The following HS3ST4 variants were observed in gnomAD, a reference collection of about 807,000 sequenced individuals.
HS3ST4 encodes the protein heparan sulfate-glucosamine 3-sulfotransferase 4.
HS3ST4 carries 17 observed loss-of-function variants against 29.2 expected under a neutral mutation model. That is an observed-to-expected ratio of 0.58 (90% CI 0.40 to 0.87). The LOEUF is 0.87. Ranked by LOEUF, HS3ST4 falls within the 40% of genes least tolerant of loss-of-function variation. The probability of loss-of-function intolerance (pLI) is 0.00; values close to 1 mark genes in which losing one functional copy is unlikely to be tolerated. For synonymous variants in HS3ST4, 314 were observed against 285.7 expected (o/e 1.10, Z -1.00); for missense variants, 627 against 634.5 (o/e 0.99, Z 0.13).
intron 1 of HS3ST4, among the ~76,000 whole-genome samples, chr16:26,017,142 G>A (rs1969370064): frequency 6.6e-6 from 1 of 152,204 alleles, no homozygotes; most frequent in Admixed American, 6.5e-5. Context: ...TGTTATCCCA[G>A]AGTAATCTAG....
chr16:25,790,581 CT>C (rs1338813039), intron 1 of HS3ST4, among the ~76,000 whole-genome samples: 1 of 152,136 alleles, frequency 6.6e-6, no homozygotes, highest in Non-Finnish European at 1.5e-5. Flanking sequence ...AATTTTTTAG[CT>C]TTTCCAGTGG....
intron 1 of HS3ST4, among the ~76,000 whole-genome samples, chr16:26,006,070 A>G (rs1969255147): frequency 6.6e-6 from 1 of 152,028 alleles, no homozygotes; most frequent in Non-Finnish European, 1.5e-5. Context: ...AGGCTGAGGT[A>G]TGTGAATCAC....
intron 1 of HS3ST4, among the ~76,000 whole-genome samples, chr16:25,709,524 C>A (rs1295126398): frequency 6.6e-6 from 1 of 152,140 alleles, no homozygotes; most frequent in African/African-American, 2.4e-5. Flanking sequence ...CGAAGTACAA[C>A]CGAATAAAAC....
intron 1 of HS3ST4, among the ~76,000 whole-genome samples, chr16:25,824,303 GC>G (rs1189519373): frequency 1.3e-5 from 2 of 152,154 alleles, no homozygotes; most frequent in African/African-American, 4.8e-5. Flanking sequence ...ATGGGACATT[GC>G]CAGCACAGCA....
At chr16:25,708,395 A>G (rs544571317) in intron 1 of HS3ST4, among the ~76,000 whole-genome samples, 1 of 152,226 alleles carries the variant, frequency 6.6e-6, no homozygotes, top group Non-Finnish European at 1.5e-5. Flanking sequence ...ACTGGAATAC[A>G]GTTGTGTATT....
intron 1 of HS3ST4, among the ~76,000 whole-genome samples, chr16:26,094,670 G>A (rs575712726): frequency 6.6e-6 from 1 of 152,190 alleles, no homozygotes; most frequent in African/African-American, 2.4e-5. Context: ...ATGCTAAATT[G>A]TAAAGACCAT....
intron 1 of HS3ST4, among the ~76,000 whole-genome samples, chr16:25,874,519 A>C (rs1480583369): frequency 6.6e-6 from 1 of 152,090 alleles, no homozygotes; most frequent in East Asian, 1.9e-4. Context: ...GACATTTAAC[A>C]GGCACTTTCC....
intron 1 of HS3ST4, among the ~76,000 whole-genome samples, chr16:26,098,205 A>G (rs1212296414): frequency 6.6e-6 from 1 of 152,192 alleles, no homozygotes; most frequent in East Asian, 1.9e-4. Flanking sequence ...AACTAGAAAT[A>G]CCATTTGACC....
chr16:25,741,331 C>T (rs113744689), intron 1 of HS3ST4, among the ~76,000 whole-genome samples: 1,879 of 122,044 alleles, frequency 0.015, 47 homozygotes, highest in African/African-American at 0.054. Flanking sequence ...AGTACCAGCA[C>T]TGCATTTCTT....
At position 25,983,673 on chromosome 16, in the gene HS3ST4, G is replaced by A. The variant is rs117672403; in HGVS notation, c.735-151939G>A. ...AGCTGTGATTCTCCAGCCCATGGTA[G>A]ATTCTAAGCCATACATAGTCTTGGC... On this transcript the variant is annotated intron_variant, in intron 1 of 1. Transcript: ENST00000331351. 1.4e-3 allele frequency among the ~76,000 whole-genome samples: 216 copies of A among 152,300 alleles called. 2 individuals carry two copies. The East Asian group carries it at 0.036, about 25-fold the overall frequency.
Position 25,947,805 on chromosome 16 carries a change from C to T in HS3ST4, c.735-187807C>T, listed in dbSNP as rs541994174. Among the ~76,000 whole-genome samples the T allele has an allele frequency of 2.0e-5, 3 of 152,224 alleles. No individual in the cohort carries two copies. In the East Asian group the frequency reaches 5.8e-4, roughly 29 times the overall value. Reference sequence around the variant, plus strand: ...TGGTCAAGTGTAATGTTTAGGAGTGCAGGCTTCGAGGCAATGCTTTGTGGC... The same window carrying T: ...TGGTCAAGTGTAATGTTTAGGAGTGTAGGCTTCGAGGCAATGCTTTGTGGC... On this transcript the variant is annotated intron_variant, in intron 1 of 1. Transcript: ENST00000331351.
chr16:26,105,204 A>G (rs1056872295), intron 1 of HS3ST4, among the ~76,000 whole-genome samples: 6 of 152,210 alleles, frequency 3.9e-5, no homozygotes, highest in African/African-American at 1.4e-4. Context: ...AGCAATATGA[A>G]TGCAACTGGA....
chr16:26,006,979 G>T (rs1969264514), intron 1 of HS3ST4, among the ~76,000 whole-genome samples: 1 of 152,212 alleles, frequency 6.6e-6, no homozygotes, highest in Non-Finnish European at 1.5e-5. Context: ...GAGGTTAAAG[G>T]CACGATGAGG....
chr16:25,868,848 C>G (rs1466482278), intron 1 of HS3ST4, among the ~76,000 whole-genome samples: 1 of 152,024 alleles, frequency 6.6e-6, no homozygotes, highest in Non-Finnish European at 1.5e-5. Flanking sequence ...AAGAGAAAAC[C>G]AGATTAAAAG....
chr16:26,012,928 G>T (rs1410114245), intron 1 of HS3ST4, among the ~76,000 whole-genome samples: 2 of 152,170 alleles, frequency 1.3e-5, no homozygotes, highest in Non-Finnish European at 2.9e-5. Context: ...ACTTTGGGAG[G>T]CCGAGGCGGG....
At chr16:26,105,335 G>T (rs1021367517) in intron 1 of HS3ST4, among the ~76,000 whole-genome samples, 2 of 152,028 alleles carry the variant, frequency 1.3e-5, no homozygotes, top group Non-Finnish European at 2.9e-5. Context: ...ATAGACACTG[G>T]TGAATACAAG....
At chr16:25,959,310 A>G (rs1968770325) in intron 1 of HS3ST4, among the ~76,000 whole-genome samples, 1 of 152,226 alleles carries the variant, frequency 6.6e-6, no homozygotes, top group South Asian at 2.1e-4. Context: ...TTATGAGTCT[A>G]ATGTCAGAAA....
chr16:25,932,758 G>A (rs1190900057), intron 1 of HS3ST4, among the ~76,000 whole-genome samples: 2 of 152,326 alleles, frequency 1.3e-5, no homozygotes, highest in Non-Finnish European at 2.9e-5. Flanking sequence ...CAGAGGAAGC[G>A]TCTGAGGCTT....
At chr16:25,995,214 G>A (rs1182379363) in intron 1 of HS3ST4, among the ~76,000 whole-genome samples, 2 of 152,192 alleles carry the variant, frequency 1.3e-5, no homozygotes, top group Non-Finnish European at 2.9e-5. Context: ...CATTAATCAA[G>A]ATGTTTCCTG....
Sources: gnomAD v4.1 joint callset for allele counts (sites outside exome capture counted in the v4.1 genomes callset) on GRCh38, gnomAD v4.1.1 for gene constraint, MANE v1.5 for transcripts, NCBI Gene and HGNC (gene_info 2026-07-23, HGNC 2026-07-21) for gene names.